The following TMEM240 variants were observed in gnomAD, a reference collection of about 807,000 sequenced individuals.
The protein encoded by TMEM240 is transmembrane protein C1orf70.
A neutral mutation model predicts 19.5 loss-of-function variants in TMEM240; 3 were observed. The observed-to-expected ratio is 0.15, with a 90% confidence interval of 0.07 to 0.40. The LOEUF (loss-of-function observed/expected upper bound fraction) is 0.40. Ranked by LOEUF, TMEM240 falls within the 10% of genes least tolerant of loss-of-function variation. The pLI, the probability that TMEM240 is intolerant of heterozygous loss-of-function variation, is 1.00. For synonymous variants in TMEM240, 123 were observed against 109.3 expected, an observed-to-expected ratio of 1.13 and a Z score of -0.78; for missense variants, 210 against 253.5, an observed-to-expected ratio of 0.83 and a Z score of 1.17.
Position 1,535,500 on chromosome 1 carries a change from C to T in TMEM240, c.381G>A (p.Ser127=), listed in dbSNP as rs751706022. The T allele has an allele frequency of 1.4e-5, 21 of 1,546,474 alleles. No homozygotes were observed. The highest frequency in any genetic ancestry group is 7.2e-5 in the South Asian group (6 of 83,814). ...TGCACAGCTTGGGCAGCCAGGTCCA[C>T]GAGCCATCTGCGGGGGGACAGGGGC... The part of the protein sequence containing the change: ...AWRAGRRYDG[S]WTWLPKLCSL... The change falls in exon 4 of 4, where the codon TCG becomes TCA. Residue 127 remains serine, a synonymous_variant. Coordinates refer to ENST00000378733, the MANE Select transcript of TMEM240 (RefSeq NM_001114748.2). The surrounding 1 kb of genome is among the most constrained non-coding windows in gnomAD (Gnocchi z 8.2).
chr1:1,538,228 C>T (rs1020447000), intron 2 of TMEM240, among the ~76,000 whole-genome samples: 4 of 152,198 alleles, frequency 2.6e-5, no homozygotes, highest in Admixed American at 2.0e-4. Flanking sequence ...ACGTACATAT[C>T]CTGTATGTAG....
rs606231451 is a variant in TMEM240 at position 1,535,372 on chromosome 1, G to C, written c.509C>G (p.Pro170Arg). ...TCCCCGTGCGGCTCACAGGTGCCGCGGGCTGGGGTGGCCATTGTGGTAGAG... is the reference window on the plus strand; with the variant it reads ...TCCCCGTGCGGCTCACAGGTGCCGCCGGCTGGGGTGGCCATTGTGGTAGAG... ...QKLYHNGHPS[P>R]RHL Residue 170 changes from proline (P) to arginine (R), a missense_variant, in exon 4 of 4, where the codon CCG (proline) becomes CGG (arginine). Physicochemically the swap from Pro to Arg is moderately radical, Grantham distance 103. Coordinates refer to ENST00000378733, the MANE Select transcript of TMEM240 (RefSeq NM_001114748.2). This position sits in a 1 kb window ranked among gnomAD's most constrained non-coding sequence, Gnocchi z 8.2. 1 of 1,549,416 alleles carries C rather than the reference G, an allele frequency of 6.5e-7. No individual in the cohort carries two copies. The highest frequency in any genetic ancestry group is 8.7e-7 in the Non-Finnish European group (1 of 1,146,364).
In TMEM240 at chr1:1,535,129, C is replaced by A; in HGVS notation, c.*230G>T. The A allele has an allele frequency of 8.7e-6, 4 of 461,332 alleles. No individual in the cohort carries two copies. The highest frequency in any genetic ancestry group is 1.6e-5 in the Non-Finnish European group (4 of 257,932). 28.6% of individuals were successfully genotyped at this position (461,332 alleles called of 1,614,324 possible). ...TGAGTCCGCCCTTGTGTCCTGCCCC[C>A]CAACTGCAGGGTCTCCCCTAACCCA... On this transcript the variant is annotated 3_prime_UTR_variant, in exon 4 of 4. Coordinates refer to ENST00000378733, the MANE Select transcript of TMEM240 (RefSeq NM_001114748.2). The surrounding 1 kb of genome is among the most constrained non-coding windows in gnomAD (Gnocchi z 8.2).
chr1:1,540,508 CG>C lies in TMEM240; in HGVS notation c.-163del, dbSNP rs1228529247. On this transcript the variant is annotated 5_prime_UTR_variant, in exon 1 of 4. Transcript: ENST00000378733. ...CGGCACCGGCCGGGGGGAGGAGGCG[CG>C]GGGGGGGGGGCGCCGGGGAGGGACG... The C allele has an allele frequency of 0.025, 1,080 of 43,132 alleles. 7 individuals are homozygous for C. The highest frequency in any genetic ancestry group is 0.035 in the Non-Finnish European group (574 of 16,556). 2.7% of individuals were successfully genotyped at this position (43,132 alleles called of 1,614,324 possible). A position where few individuals can be genotyped will look rare whatever the true frequency, so the allele number is the denominator to read the frequency against.
chr1:1,538,109 C>T lies in TMEM240; in HGVS notation c.164+1575G>A, dbSNP rs766047561. 3.2e-4 allele frequency among the ~76,000 whole-genome samples: 48 copies of T among 152,222 alleles called. 1 individual carries two copies. The highest frequency in any genetic ancestry group is 6.8e-4 in the Non-Finnish European group (46 of 68,040). ...TGCACACACACTGGCTGCAGCTACA[C>T]GGAGACATCTTGACATGTCCCTGAG... On this transcript the variant is annotated intron_variant, in intron 2 of 3. Coordinates refer to ENST00000378733, the MANE Select transcript of TMEM240 (RefSeq NM_001114748.2).
rs966591411 is a variant in TMEM240, at chr1:1,535,718, T to C, written c.244A>G (p.Ser82Gly). ...DASENYFVTDSVTKQEIDLML... is the reference protein window; with the variant it reads ...DASENYFVTDGVTKQEIDLML... ...AGGTCGATCTCCTGCTTGGTCACAC[T>C]GTCCGTCACAAAGTAGTTCTCGGAG... is the stretch of plus-strand genomic sequence containing the variant. Residue 82 changes from serine to glycine, a missense_variant, in exon 3 of 4, where the codon AGT becomes GGT. Ser to Gly is a moderately conservative substitution (Grantham distance 56, BLOSUM62 0). This residue lies in a region of TMEM240 where 157 missense variants were observed against 168.2 expected (regional missense o/e 0.93). Transcript: ENST00000378733. The surrounding 1 kb of genome is among the most constrained non-coding windows in gnomAD (Gnocchi z 8.2). The C allele has an allele frequency of 6.5e-7, 1 of 1,550,384 alleles. No individual in the cohort carries two copies.
Position 1,535,598 on chromosome 1 carries a change from G to A in TMEM240, c.364C>T (p.Arg122Trp), listed in dbSNP as rs577269741. 20 of 1,549,284 alleles carry A rather than the reference G, an allele frequency of 1.3e-5. No individual in the cohort carries two copies. The highest frequency in any genetic ancestry group is 5.9e-5 in the South Asian group (5 of 84,054). The change falls in exon 3 of 4, where the codon CGG (arginine) becomes TGG (tryptophan). Residue 122 changes from arginine (R) to tryptophan (W), a missense_variant. Physicochemically the swap from Arg to Trp is moderately radical, Grantham distance 101. Around this residue, in one of 3 missense-constraint regions of TMEM240, gnomAD observed 157 missense variants for 168.2 expected, o/e 0.93. Transcript: ENST00000378733. The surrounding 1 kb of genome is among the most constrained non-coding windows in gnomAD (Gnocchi z 8.2). ...GGCACGAGGCACTCACCGTAGCGCC[G>A]TCCGGCTCTCCAGGCGCGCACGGCG... ...HCAVRAWRAGRRYDGSWTWLP... is the reference protein window; with the variant it reads ...HCAVRAWRAGWRYDGSWTWLP...
At position 1,535,716 on chromosome 1, in the gene TMEM240, A is replaced by T; in HGVS notation, c.246T>A (p.Ser82Arg). 6.5e-7 allele frequency: 1 copy of T among 1,550,160 alleles called. No homozygotes were observed. The highest frequency in any genetic ancestry group is 8.7e-7 in the Non-Finnish European group (1 of 1,146,680). The change falls in exon 3 of 4, where the codon AGT (serine) becomes AGA (arginine). Residue 82 changes from serine (S) to arginine (R), a missense_variant. Physicochemically the swap from Ser to Arg is moderately radical, Grantham distance 110. This residue lies in a region of TMEM240 where 157 missense variants were observed against 168.2 expected (regional missense o/e 0.93). Coordinates refer to ENST00000378733, the MANE Select transcript of TMEM240 (RefSeq NM_001114748.2). The surrounding 1 kb of genome is among the most constrained non-coding windows in gnomAD (Gnocchi z 8.2). Reference protein sequence around the residue: ...DASENYFVTDSVTKQEIDLML... With the variant: ...DASENYFVTDRVTKQEIDLML... ...TGAGGTCGATCTCCTGCTTGGTCAC[A>T]CTGTCCGTCACAAAGTAGTTCTCGG...
At chr1:1,537,561 G>A (rs953691070) in intron 2 of TMEM240, among the ~76,000 whole-genome samples, 3 of 152,236 alleles carry the variant, frequency 2.0e-5, no homozygotes. Context: ...CTTCCTGGAG[G>A]GCTCAGGTCT....
intron 2 of TMEM240, 197 bp downstream of exon 2, chr1:1,539,487 G>T: frequency 1.7e-6 from 1 of 590,282 alleles, no homozygotes; most frequent in East Asian, 2.9e-5. Context: ...AGGCCTCTAG[G>T]AACGGCGTCC....
chr1:1,537,118 TG>T (rs979589303), intron 2 of TMEM240, among the ~76,000 whole-genome samples: 2 of 151,934 alleles, frequency 1.3e-5, no homozygotes, highest in Non-Finnish European at 2.9e-5. Flanking sequence ...CAGTGAGATC[TG>T]GGGGGTCCTG....
At chr1:1,537,978 T>C (rs768772473) in intron 2 of TMEM240, among the ~76,000 whole-genome samples, 5 of 152,188 alleles carry the variant, frequency 3.3e-5, no homozygotes, top group Admixed American at 6.5e-5. Flanking sequence ...GGCCTACACA[T>C]GTACACACAC....
chr1:1,539,568 C>A, intron 2 of TMEM240, 116 bp downstream of exon 2: 2 of 910,218 alleles, frequency 2.2e-6, no homozygotes, highest in Non-Finnish European at 3.4e-6. Context: ...CCTGGCAGCC[C>A]TCAAGGGTGG....
Position 1,535,264 on chromosome 1 carries a change from C to T in TMEM240, c.*95G>A, listed in dbSNP as rs1642194446. 2 of 1,418,288 alleles carry T rather than the reference C, an allele frequency of 1.4e-6. No individual in the cohort carries two copies. The highest frequency in any genetic ancestry group is 4.6e-5 in the Admixed American group (2 of 43,054). The allele number at this position is 1,418,288 out of a possible 1,614,324, so 87.9% of individuals were successfully genotyped here. The stretch of plus-strand genomic sequence containing the variant: ...CCCGGACAACCTGGGCCCAGGGCTG[C>T]TGTCCAGTCCCGCCGGCCCGGGCGT... On this transcript the variant is annotated 3_prime_UTR_variant, in exon 4 of 4. Coordinates refer to ENST00000378733, the MANE Select transcript of TMEM240 (RefSeq NM_001114748.2). This position sits in a 1 kb window ranked among gnomAD's most constrained non-coding sequence, Gnocchi z 8.2.
Position 1,535,349 on chromosome 1 carries a change from C to T in TMEM240, c.*10G>A, listed in dbSNP as rs1412358739. On this transcript the variant is annotated 3_prime_UTR_variant, in exon 4 of 4. Transcript: ENST00000378733. This position sits in a 1 kb window ranked among gnomAD's most constrained non-coding sequence, Gnocchi z 8.2. ...GTTGGCTCGGTGGCCCCGGTAAGTCCCCGTGCGGCTCACAGGTGCCGCGGG... is the reference window on the plus strand; with the variant it reads ...GTTGGCTCGGTGGCCCCGGTAAGTCTCCGTGCGGCTCACAGGTGCCGCGGG... 1 of 1,548,564 alleles carries T rather than the reference C, an allele frequency of 6.5e-7. No homozygotes were observed. Among genetic ancestry groups the T allele is most frequent in the Non-Finnish European group, 8.7e-7 (1 of 1,145,984 alleles).
In TMEM240 at chr1:1,537,930, C is replaced by T. The variant is rs557753026; in HGVS notation, c.164+1754G>A. 4.6e-5 allele frequency among the ~76,000 whole-genome samples: 7 copies of T among 152,340 alleles called. No homozygotes were observed. In the East Asian group the frequency reaches 1.2e-3, roughly 25 times the overall value. ...ACTTTGGAGCATTGATTTCCATACA[C>T]GTTCTCCACGTCAACGTCTACGTAT... On this transcript the variant is annotated intron_variant, in intron 2 of 3. Coordinates refer to ENST00000378733, the MANE Select transcript of TMEM240 (RefSeq NM_001114748.2).
At position 1,535,637 on chromosome 1, in the gene TMEM240, C is replaced by G; in HGVS notation, c.325G>C (p.Gly109Arg). The G allele has an allele frequency of 4.5e-6, 7 of 1,549,852 alleles. No homozygotes were observed. The highest frequency in any genetic ancestry group is 5.2e-6 in the Non-Finnish European group (6 of 1,146,590). The change falls in exon 3 of 4, where the codon GGC becomes CGC. Residue 109 changes from glycine (G) to arginine (R), a missense_variant. Coordinates refer to ENST00000378733, the MANE Select transcript of TMEM240 (RefSeq NM_001114748.2). This position sits in a 1 kb window ranked among gnomAD's most constrained non-coding sequence, Gnocchi z 8.2. ...CISWFLVWMDGVLHCAVRAWR... is the reference protein window; with the variant it reads ...CISWFLVWMDRVLHCAVRAWR... ...GCGCGCACGGCGCAGTGCAGGACGC[C>G]GTCCATCCACACCAGGAACCAGCTG...
At chr1:1,540,096 C>T (rs1642279089) in intron 1 of TMEM240, among the ~76,000 whole-genome samples, 194 bp downstream of exon 1, 2 of 76,378 alleles carry the variant, frequency 2.6e-5, no homozygotes, top group African/African-American at 5.4e-5. Context: ...GTGTGGGGAT[C>T]GCAGGTTGGG....
intron 2 of TMEM240, among the ~76,000 whole-genome samples, chr1:1,537,830 C>T (rs944218631): frequency 2.6e-5 from 4 of 152,222 alleles, no homozygotes; most frequent in African/African-American, 9.6e-5. Flanking sequence ...CTTTGCAAAA[C>T]GCAGCCACCC....
Sources: gnomAD v4.1 joint callset for allele counts (sites outside exome capture counted in the v4.1 genomes callset) on GRCh38, gnomAD v4.1.1 for gene constraint, gnomAD v4.1.1 regional missense constraint, Gnocchi (gnomAD v3.1) non-coding constraint, MANE v1.5 for transcripts, NCBI Gene and HGNC (gene_info 2026-07-23, HGNC 2026-07-21) for gene names.